The following PIK3R5 variants were observed in gnomAD, a reference collection of about 807,000 sequenced individuals.
PIK3R5 encodes phosphoinositide-3-kinase regulatory subunit 5.
PIK3R5 carries 32 observed loss-of-function variants against 94.9 expected under a neutral mutation model. The ratio of observed to expected loss-of-function variants is 0.34; its 90% CI spans 0.25 to 0.45. PIK3R5 has a LOEUF of 0.45. Among genes scored for constraint, PIK3R5 ranks in the 20% least tolerant of loss-of-function variants. The probability of loss-of-function intolerance (pLI) is 1.00; values close to 1 mark genes in which losing one functional copy is unlikely to be tolerated. For synonymous variants in PIK3R5, 443 were observed against 479.4 expected, an observed-to-expected ratio of 0.92 and a Z score of 0.99; for missense variants, 853 against 1,144.6, an observed-to-expected ratio of 0.75 and a Z score of 3.68.
At chr17:8,887,835 C>CAAA in intron 10 of PIK3R5, 152 bp from the exon 11 acceptor site, 15 of 395,308 alleles carry the variant, frequency 3.8e-5, no homozygotes, top group East Asian at 8.9e-5. Context: ...TCTACTAAGA[C>CAAA]AAAAAAAAAA....
At chr17:8,943,437 G>A (rs1407477279) in intron 1 of PIK3R5, among the ~76,000 whole-genome samples, 1 of 152,000 alleles carries the variant, frequency 6.6e-6, no homozygotes, top group Non-Finnish European at 1.5e-5. Context: ...TAGCAATTTC[G>A]TGGGGTTCAA....
chr17:8,885,803 C>A (rs1371022959), intron 14 of PIK3R5, among the ~76,000 whole-genome samples: 4 of 122,412 alleles, frequency 3.3e-5, no homozygotes, highest in Non-Finnish European at 5.0e-5. Context: ...ACCCCGCCCT[C>A]CCATGGCCCC....
At chr17:8,943,768 A>G (rs187233924) in intron 1 of PIK3R5, among the ~76,000 whole-genome samples, 1 of 152,170 alleles carries the variant, frequency 6.6e-6, no homozygotes, top group Non-Finnish European at 1.5e-5. Flanking sequence ...GCAAGACTCC[A>G]TCTAAAAAAA....
At chr17:8,931,276 T>C (rs2090981854) in intron 1 of PIK3R5, among the ~76,000 whole-genome samples, 1 of 152,186 alleles carries the variant, frequency 6.6e-6, no homozygotes, top group Non-Finnish European at 1.5e-5. Context: ...ATTTATCTCA[T>C]AAAAGAGGTG....
At chr17:8,916,165 G>T in intron 1 of PIK3R5, 1 of 152,468 alleles carries the variant, frequency 6.6e-6, no homozygotes, top group Non-Finnish European at 1.5e-5. Flanking sequence ...AGGGAACCCA[G>T]CCAGGGGACC....
Position 8,896,930 on chromosome 17 carries a change from T to A in PIK3R5, c.413-3275A>T, listed in dbSNP as rs1018135143. Among the ~76,000 whole-genome samples, 4 of 152,154 alleles carry A rather than the reference T, an allele frequency of 2.6e-5. No homozygotes were observed. The highest frequency in any genetic ancestry group is 9.7e-5 in the African/African-American group (4 of 41,426). On this transcript the variant is annotated intron_variant, in intron 5 of 18. Coordinates refer to ENST00000447110, the MANE Select transcript of PIK3R5 (RefSeq NM_001142633.3). The surrounding 1 kb of genome is among the most constrained non-coding windows in gnomAD (Gnocchi z 4.0). ...ATTGCAATCTCCAAATGAGACTAGATCAGGTTTGGTTCTCCAGCAACTATG... is the reference window on the plus strand; with the variant it reads ...ATTGCAATCTCCAAATGAGACTAGAACAGGTTTGGTTCTCCAGCAACTATG...
At chr17:8,898,783 TTAAC>T (rs1325059318) in intron 5 of PIK3R5, among the ~76,000 whole-genome samples, 2 of 152,218 alleles carry the variant, frequency 1.3e-5, no homozygotes, top group African/African-American at 4.8e-5. Context: ...TCCAAGGTCA[TTAAC>T]TAATAAGTGA....
In PIK3R5 at chr17:8,951,496, A is replaced by T. The variant is rs532427719; in HGVS notation, c.-14+14100T>A. The stretch of plus-strand genomic sequence containing the variant: ...CTACCTCATTTGGGTGGAATCACAC[A>T]GTATTTATCCTTTTGTGTCTGGCTT... On this transcript the variant is annotated intron_variant, in intron 1 of 18. Coordinates refer to ENST00000447110, the MANE Select transcript of PIK3R5 (RefSeq NM_001142633.3). 4.6e-5 allele frequency among the ~76,000 whole-genome samples: 7 copies of T among 152,358 alleles called. No homozygotes were observed. The South Asian group carries it at 1.2e-3, about 27-fold the overall frequency.
intron 3 of PIK3R5, among the ~76,000 whole-genome samples, 188 bp downstream of exon 3, chr17:8,908,886 A>C (rs1232157898): frequency 6.6e-6 from 1 of 152,146 alleles, no homozygotes; most frequent in Non-Finnish European, 1.5e-5. Flanking sequence ...GTTCTTACTG[A>C]ATGCACCCCC....
At chr17:8,907,311 G>A (rs886896443) in intron 3 of PIK3R5, among the ~76,000 whole-genome samples, 10 of 152,006 alleles carry the variant, frequency 6.6e-5, no homozygotes, top group Admixed American at 2.0e-4. Context: ...GATTACAGGC[G>A]TGAGCCACCA....
intron 1 of PIK3R5, chr17:8,916,277 T>C (rs781471535): frequency 5.3e-5 from 8 of 152,296 alleles, no homozygotes; most frequent in Non-Finnish European, 1.2e-4. Context: ...CTGTTTCTTA[T>C]GACTTGTCAG....
rs1038106317 is a variant in PIK3R5 at position 8,896,384 on chromosome 17, G to A, written c.413-2729C>T. Among the ~76,000 whole-genome samples the A allele has an allele frequency of 2.6e-5, 4 of 152,100 alleles. No individual in the cohort carries two copies. Among genetic ancestry groups the A allele is most frequent in the Admixed American group, 2.6e-4 (4 of 15,266 alleles). Reference sequence around the variant, plus strand: ...TTGATCTTAGATCACACCCTTTCTTGGTCACCTTAGCAGATGGAAACAACT... The same window carrying A: ...TTGATCTTAGATCACACCCTTTCTTAGTCACCTTAGCAGATGGAAACAACT... On this transcript the variant is annotated intron_variant, in intron 5 of 18. Transcript: ENST00000447110. This position sits in a 1 kb window ranked among gnomAD's most constrained non-coding sequence, Gnocchi z 4.0.
At chr17:8,937,744 A>G (rs1035043234) in intron 1 of PIK3R5, among the ~76,000 whole-genome samples, 5 of 152,188 alleles carry the variant, frequency 3.3e-5, no homozygotes, top group African/African-American at 1.2e-4. Flanking sequence ...TGCTGGCCTC[A>G]TAGAATGAGT....
rs190590940 is a variant in PIK3R5 at position 8,950,984 on chromosome 17, T to C, written c.-14+14612A>G. Reference sequence around the variant, plus strand: ...CTGTTGTTTTTTGGCTTTTCAATAGTGGCCATTCTGACTGGTGCGAGATGG... The same window carrying C: ...CTGTTGTTTTTTGGCTTTTCAATAGCGGCCATTCTGACTGGTGCGAGATGG... On this transcript the variant is annotated intron_variant, in intron 1 of 18. Transcript: ENST00000447110. 4.6e-5 allele frequency among the ~76,000 whole-genome samples: 7 copies of C among 152,322 alleles called. No individual in the cohort carries two copies. The East Asian group carries it at 1.2e-3, about 25-fold the overall frequency.
chr17:8,913,191 A>G (rs1427208101), intron 1 of PIK3R5, among the ~76,000 whole-genome samples: 1 of 152,196 alleles, frequency 6.6e-6, no homozygotes, highest in Non-Finnish European at 1.5e-5. Flanking sequence ...GCCTCTCTGA[A>G]GAAGGGACAT....
In PIK3R5 at chr17:8,888,832, C is replaced by T. The variant is rs749007471; in HGVS notation, c.955G>A (p.Asp319Asn). The T allele has an allele frequency of 1.1e-4, 175 of 1,608,800 alleles. No homozygotes were observed. The highest frequency in any genetic ancestry group is 1.4e-4 in the Non-Finnish European group (168 of 1,179,980). The change falls in exon 10 of 19, where the codon GAT (aspartate) becomes AAT (asparagine). Residue 319 changes from aspartate to asparagine, a missense_variant. Asp to Asn is a conservative substitution (Grantham distance 23). This residue lies in a region of PIK3R5 where 161 missense variants were observed against 249.5 expected (regional missense o/e 0.65). Transcript: ENST00000447110. This position sits in a 1 kb window ranked among gnomAD's most constrained non-coding sequence, Gnocchi z 7.8. ...QELLQPGILG[D>N]DEEEEEEEEE... ...TCCTCCTCTTCCTCCTCTTCATCAT[C>T]TCCCAGGATCCCTGGCTGGAGTAGC...
chr17:8,891,380 G>C (rs915538375), intron 6 of PIK3R5, among the ~76,000 whole-genome samples: 1 of 151,972 alleles, frequency 6.6e-6, no homozygotes. Context: ...TCGTGCCGTG[G>C]GGCTGCATCT....
intron 4 of PIK3R5, 31 bp downstream of exon 4, chr17:8,905,633 CCCTCA>C: frequency 6.5e-7 from 1 of 1,526,940 alleles, no homozygotes. Context: ...TCCCCCTCCT[CCCTCA>C]CCTCCAGCAT....
intron 1 of PIK3R5, among the ~76,000 whole-genome samples, chr17:8,948,026 G>C (rs145891327): frequency 2.4e-3 from 282 of 117,966 alleles, no homozygotes; most frequent in African/African-American, 8.7e-3. Context: ...CTGGGCGACA[G>C]AGCGAGACTC....
Sources: gnomAD v4.1 joint callset for allele counts (sites outside exome capture counted in the v4.1 genomes callset) on GRCh38, gnomAD v4.1.1 for gene constraint, gnomAD v4.1.1 regional missense constraint, Gnocchi (gnomAD v3.1) non-coding constraint, MANE v1.5 for transcripts, NCBI Gene and HGNC (gene_info 2026-07-23, HGNC 2026-07-21) for gene names.